FBH1: variants seen among roughly 807,000 people sequenced by gnomAD.
FBH1 encodes F-box DNA helicase 1.
Under a neutral mutation model 115.5 loss-of-function variants are expected in FBH1, and 43 were observed. The observed-to-expected ratio is 0.37, with a 90% confidence interval of 0.29 to 0.48. The LOEUF is 0.48. Ranked by LOEUF, FBH1 falls within the 20% of genes least tolerant of loss-of-function variation. The pLI, the probability that FBH1 is intolerant of heterozygous loss-of-function variation, is 0.99. For synonymous variants in FBH1, 524 were observed against 507.8 expected, an observed-to-expected ratio of 1.03 and a Z score of -0.43; for missense variants, 1,001 against 1,337.3, an observed-to-expected ratio of 0.75 and a Z score of 3.92.
Position 5,927,579 on chromosome 10 carries a change from T to C in FBH1, c.2829+38T>C, listed in dbSNP as rs1193666915. 2.6e-6 allele frequency: 4 copies of C among 1,522,802 alleles called. No homozygotes were observed. The African/African-American group carries it at 4.1e-5, about 16-fold the overall frequency. 94.3% of individuals were successfully genotyped at this position (1,522,802 alleles called of 1,614,324 possible). On this transcript the variant is annotated intron_variant, in intron 19 of 20. Transcript: ENST00000362091. ...GGCAGCATGAGCTAACTTGATGCCA[T>C]TGAATGTTATTTAGTCTGCTTGAGG...
At chr10:5,926,831 G>C (rs559453200) in intron 18 of FBH1, among the ~76,000 whole-genome samples, 4 of 152,346 alleles carry the variant, frequency 2.6e-5, no homozygotes, top group South Asian at 4.1e-4. Flanking sequence ...CGGGTCTGCT[G>C]TTCTTTGTTG....
At chr10:5,894,204 G>A (rs995409374) in intron 1 of FBH1, 10 of 985,268 alleles carry the variant, frequency 1.0e-5, no homozygotes, top group African/African-American at 7.0e-5. Context: ...TTCTGCATTC[G>A]TTTCTTTTAG....
intron 1 of FBH1, chr10:5,894,548 A>G (rs1474768809): frequency 1.2e-6 from 1 of 813,848 alleles, no homozygotes. Flanking sequence ...ATCATGGCAC[A>G]ATTGTAGGAT....
rs1831477622 is a variant in FBH1, at chr10:5,910,081, AGACCAG to A, written c.1020+788_1020+793del. Among the ~76,000 whole-genome samples, 1 of 152,178 alleles carries A rather than the reference AGACCAG, an allele frequency of 6.6e-6. No individual in the cohort carries two copies. Among genetic ancestry groups the A allele is most frequent in the African/African-American group, 2.4e-5 (1 of 41,444 alleles). ...TGGATCACCTGAGGTCAGGAGTTCGAGACCAGCCTGGCCAACATGGTGAAACCCTGT... is the reference window on the plus strand; with the variant it reads ...TGGATCACCTGAGGTCAGGAGTTCGACCTGGCCAACATGGTGAAACCCTGT... On this transcript the variant is annotated intron_variant, in intron 5 of 20. Coordinates refer to ENST00000362091, the MANE Select transcript of FBH1 (RefSeq NM_178150.3). This position sits in a 1 kb window ranked among gnomAD's most constrained non-coding sequence, Gnocchi z 4.8.
chr10:5,893,254 C>T (rs761587467), intron 1 of FBH1, among the ~76,000 whole-genome samples: 9 of 152,114 alleles, frequency 5.9e-5, no homozygotes, highest in Non-Finnish European at 7.4e-5. Context: ...TGCAATGAGC[C>T]GAGACTGTGC....
chr10:5,919,785 T>G (rs951981116), intron 13 of FBH1, among the ~76,000 whole-genome samples: 19 of 152,220 alleles, frequency 1.2e-4, no homozygotes, highest in African/African-American at 4.6e-4. Flanking sequence ...GCTGTGGTGA[T>G]TTAGGGTAGC....
At position 5,918,559 on chromosome 10, in the gene FBH1, C is replaced by T. The variant is rs886678515; in HGVS notation, c.2100+81C>T. 41 of 1,436,736 alleles carry T rather than the reference C, an allele frequency of 2.9e-5. No individual in the cohort carries two copies. In the African/African-American group the frequency reaches 5.7e-4, roughly 20 times the overall value. The allele number at this position is 1,436,736 out of a possible 1,614,324, so 89.0% of individuals were successfully genotyped here. On this transcript the variant is annotated intron_variant, in intron 13 of 20. Transcript: ENST00000362091. The surrounding 1 kb of genome is among the most constrained non-coding windows in gnomAD (Gnocchi z 4.0). ...CCAGGCCCTGTGAAAGGTGGTATGC[C>T]AGGCTCACCAGATCTAGCAAATCCT...
Position 5,918,419 on chromosome 10 carries a change from C to T in FBH1, c.2041C>T (p.Arg681Trp), listed in dbSNP as rs755714706. ...CCCGCACCAGCAGATCTATACCTTC[C>T]GGGGTGCGGTCAACGCCCTGTTCAC... ...GDPHQQIYTF[R>W]GAVNALFTVP... is the part of the protein sequence containing the mutation. The change falls in exon 13 of 21, where the codon CGG (arginine) becomes TGG (tryptophan). Residue 681 changes from arginine to tryptophan, a missense_variant. Physicochemically the swap from Arg to Trp is moderately radical, Grantham distance 101. Coordinates refer to ENST00000362091, the MANE Select transcript of FBH1 (RefSeq NM_178150.3). This position sits in a 1 kb window ranked among gnomAD's most constrained non-coding sequence, Gnocchi z 4.0. 1.9e-6 allele frequency: 3 copies of T among 1,612,712 alleles called. No individual in the cohort carries two copies. Among genetic ancestry groups the T allele is most frequent in the Admixed American group, 1.7e-5 (1 of 59,472 alleles).
At chr10:5,916,992 T>A (rs1002312657) in intron 10 of FBH1, 1 of 203,772 alleles carries the variant, frequency 4.9e-6, no homozygotes, top group Non-Finnish European at 1.0e-5. Flanking sequence ...TCAAAACTGA[T>A]CTTAACTGAA....
At position 5,921,710 on chromosome 10, in the gene FBH1, A is replaced by G; in HGVS notation, c.2322+141A>G. On this transcript the variant is annotated intron_variant, in intron 15 of 20. Coordinates refer to ENST00000362091, the MANE Select transcript of FBH1 (RefSeq NM_178150.3). The surrounding 1 kb of genome is among the most constrained non-coding windows in gnomAD (Gnocchi z 6.4). The stretch of plus-strand genomic sequence containing the variant: ...ACTCTTTCCACCAGGCTGCACCATG[A>G]GTGGTCTCTATCCCAGGCCATTCTG... 1 of 1,131,336 alleles carries G rather than the reference A, an allele frequency of 8.8e-7. No homozygotes were observed. Among genetic ancestry groups the G allele is most frequent in the African/African-American group, 1.6e-5 (1 of 62,068 alleles). 70.1% of individuals were successfully genotyped at this position (1,131,336 alleles called of 1,614,324 possible). A position where few individuals can be genotyped will look rare whatever the true frequency, so the allele number is the denominator to read the frequency against.
At chr10:5,905,749 AGCGTGTTTCTCTGTACTTGTTTTTACT>A (rs1384377633) in intron 2 of FBH1, among the ~76,000 whole-genome samples, 1 of 152,126 alleles carries the variant, frequency 6.6e-6, no homozygotes, top group Non-Finnish European at 1.5e-5. Flanking sequence ...TTCCCTGTGC[AGCGTGTTTCTCTGTACTTGTTTTTACT>A]GCAGGGAGTA....
rs1236480097 is a variant in FBH1 at position 5,917,683 on chromosome 10, C to T, written c.1963+7C>T. On this transcript the variant is annotated splice_region_variant and intron_variant, in intron 12 of 20. Transcript: ENST00000362091. The surrounding 1 kb of genome is among the most constrained non-coding windows in gnomAD (Gnocchi z 5.6). ...GCCCAGGACTGCACACCAGGTGATA[C>T]ACTGTTCAGGACATCAGTAGTGTCA... 2.5e-6 allele frequency: 4 copies of T among 1,610,432 alleles called. No individual in the cohort carries two copies. The highest frequency in any genetic ancestry group is 2.7e-5 in the African/African-American group (2 of 74,880).
chr10:5,901,400 CA>C (rs1332810716), intron 1 of FBH1, among the ~76,000 whole-genome samples: 1 of 151,972 alleles, frequency 6.6e-6, no homozygotes, highest in Non-Finnish European at 1.5e-5. Flanking sequence ...TCAGGTGATC[CA>C]CCCGCCTCGG....
In FBH1 at chr10:5,917,914, C is replaced by T. The variant is rs553258234; in HGVS notation, c.1963+238C>T. On this transcript the variant is annotated intron_variant, in intron 12 of 20. Coordinates refer to ENST00000362091, the MANE Select transcript of FBH1 (RefSeq NM_178150.3). The surrounding 1 kb of genome is among the most constrained non-coding windows in gnomAD (Gnocchi z 5.6). ...GTTGACCAAGTTGTAGACCAGCAGA[C>T]GACAGGGACCTAGACTCATGCTCTG... is the stretch of plus-strand genomic sequence containing the variant. 2.6e-5 allele frequency among the ~76,000 whole-genome samples: 4 copies of T among 152,294 alleles called. No homozygotes were observed. The highest frequency in any genetic ancestry group is 7.2e-5 in the African/African-American group (3 of 41,556).
chr10:5,936,359 A>C lies in FBH1; in HGVS notation c.2830-97A>C. ...TTTTTCTCTCTGGGACTTACAGTGC[A>C]TCTAAAGGGTTCTCACAGAGCCGCC... On this transcript the variant is annotated intron_variant, in intron 19 of 20. Coordinates refer to ENST00000362091, the MANE Select transcript of FBH1 (RefSeq NM_178150.3). The surrounding 1 kb of genome is among the most constrained non-coding windows in gnomAD (Gnocchi z 5.6). The C allele has an allele frequency of 7.1e-7, 1 of 1,413,114 alleles. No homozygotes were observed. Among genetic ancestry groups the C allele is most frequent in the Admixed American group, 1.8e-5 (1 of 55,942 alleles). 87.5% of individuals were successfully genotyped at this position (1,413,114 alleles called of 1,614,324 possible). A position where few individuals can be genotyped will look rare whatever the true frequency, so the allele number is the denominator to read the frequency against.
rs2132077341 is a variant in FBH1 at position 5,925,883 on chromosome 10, TAA to T, written c.2722+393_2722+394del. Among the ~76,000 whole-genome samples the T allele has an allele frequency of 6.6e-6, 1 of 152,302 alleles. No homozygotes were observed. Among genetic ancestry groups the T allele is most frequent in the African/African-American group, 2.4e-5 (1 of 41,562 alleles). On this transcript the variant is annotated intron_variant, in intron 18 of 20. Transcript: ENST00000362091. The surrounding 1 kb of genome is among the most constrained non-coding windows in gnomAD (Gnocchi z 4.6). Reference sequence around the variant, plus strand: ...TTTCATTAATTCCTCTTCATTTTATTAAAGAGAGAAGAAAACCACAAAAGGAG... The same window carrying T: ...TTTCATTAATTCCTCTTCATTTTATTAGAGAGAAGAAAACCACAAAAGGAG...
intron 2 of FBH1, among the ~76,000 whole-genome samples, 186 bp from the exon 3 acceptor site, chr10:5,905,851 T>C (rs1206189528): frequency 6.6e-6 from 1 of 152,248 alleles, no homozygotes; most frequent in African/African-American, 2.4e-5. Context: ...TCTGGTAATA[T>C]GATAGAGCCA....
At chr10:5,916,151 T>G in intron 9 of FBH1, 83 bp from the exon 10 acceptor site, 3 of 1,232,630 alleles carry the variant, frequency 2.4e-6, no homozygotes, top group Non-Finnish European at 3.5e-6. Flanking sequence ...TACCTCCTGG[T>G]GACATTAGAG....
At chr10:5,908,049 CCT>C (rs1184832700) in intron 3 of FBH1, among the ~76,000 whole-genome samples, 1 of 152,086 alleles carries the variant, frequency 6.6e-6, no homozygotes. Context: ...TTGTTCAGAT[CCT>C]CTGTTTTCCT....
Sources: allele counts gnomAD v4.1 joint callset (sites outside exome capture counted in the v4.1 genomes callset), GRCh38; gene constraint gnomAD v4.1.1; non-coding constraint Gnocchi (gnomAD v3.1); transcripts MANE v1.5; gene names NCBI Gene and HGNC (gene_info 2026-07-23, HGNC 2026-07-21).